The following UBE2E3 variants were observed in gnomAD, a reference collection of about 807,000 sequenced individuals.
The protein encoded by UBE2E3 is ubiquitin-conjugating enzyme E2 E3.
A neutral mutation model predicts 23.6 loss-of-function variants in UBE2E3; 5 were observed. That is an observed-to-expected ratio of 0.21 (90% CI 0.11 to 0.44). The LOEUF is 0.44. Ranked by LOEUF, UBE2E3 falls within the 20% of genes least tolerant of loss-of-function variation. The pLI is 0.99. For missense variants in UBE2E3, 81 were observed against 249.8 expected, an observed-to-expected ratio of 0.32 and a Z score of 4.55; for synonymous variants, 78 against 87.5, an observed-to-expected ratio of 0.89 and a Z score of 0.60.
rs1009179381 is a variant in UBE2E3, at chr2:181,015,082, T to C, written c.245+30989T>C. ...GAAAAACGAAGTACAGAGTTGTTTT[T>C]TTCTTAATTAATATTTTTTTCCCTT... On this transcript the variant is annotated intron_variant, in intron 3 of 5. Transcript: ENST00000410062. Among the ~76,000 whole-genome samples the C allele has an allele frequency of 2.6e-5, 4 of 152,270 alleles. No homozygotes were observed. The East Asian group carries it at 5.8e-4, about 22-fold the overall frequency.
chr2:181,041,530 C>A (rs892827191), intron 3 of UBE2E3, among the ~76,000 whole-genome samples: 4 of 151,904 alleles, frequency 2.6e-5, no homozygotes, highest in African/African-American at 9.7e-5. Context: ...CCTCTGCCTC[C>A]CAGGTCCAAG....
chr2:181,030,307 G>GTATT (rs921376009), intron 3 of UBE2E3, among the ~76,000 whole-genome samples: 28 of 151,478 alleles, frequency 1.8e-4, no homozygotes, highest in African/African-American at 3.6e-4. Context: ...TTTTTCTTTT[G>GTATT]TATTTATTTA....
chr2:181,052,276 A>C (rs1256547143), intron 3 of UBE2E3, among the ~76,000 whole-genome samples: 1 of 151,884 alleles, frequency 6.6e-6, no homozygotes, highest in Non-Finnish European at 1.5e-5. Context: ...AGGGGTGTCC[A>C]GGGGAAAGAA....
intron 3 of UBE2E3, among the ~76,000 whole-genome samples, chr2:181,023,620 T>G (rs557064347): frequency 1.3e-5 from 2 of 152,254 alleles, no homozygotes; most frequent in East Asian, 1.9e-4. Flanking sequence ...TAAGTAACTC[T>G]ACTCTGACAA....
At chr2:180,987,212 A>G in intron 3 of UBE2E3, 1 of 1,013,010 alleles carries the variant, frequency 9.9e-7, no homozygotes, top group Non-Finnish European at 1.4e-6. Flanking sequence ...TAAATAATTT[A>G]TACATCAATG....
chr2:181,045,617 T>A (rs1260905647), intron 3 of UBE2E3, among the ~76,000 whole-genome samples: 1 of 152,148 alleles, frequency 6.6e-6, no homozygotes, highest in African/African-American at 2.4e-5. Flanking sequence ...GACTAATACA[T>A]CAGAATCTCT....
chr2:181,016,279 T>G (rs1050851962), intron 3 of UBE2E3, among the ~76,000 whole-genome samples: 1 of 152,074 alleles, frequency 6.6e-6, no homozygotes, highest in Non-Finnish European at 1.5e-5. Context: ...AGGATCTCAC[T>G]GTGTAGTCCA....
chr2:181,020,195 A>G (rs1685632146), intron 3 of UBE2E3, among the ~76,000 whole-genome samples: 2 of 147,616 alleles, frequency 1.4e-5, no homozygotes, highest in South Asian at 4.3e-4. Flanking sequence ...TCTCCAGTAT[A>G]AGATGTGGAC....
intron 3 of UBE2E3, among the ~76,000 whole-genome samples, chr2:181,042,697 A>G (rs1008633635): frequency 1.3e-5 from 2 of 152,200 alleles, no homozygotes; most frequent in Non-Finnish European, 2.9e-5. Context: ...GACCCATACT[A>G]AATGATATCT....
At chr2:181,037,285 G>T (rs1686324714) in intron 3 of UBE2E3, among the ~76,000 whole-genome samples, 1 of 152,134 alleles carries the variant, frequency 6.6e-6, no homozygotes, top group Non-Finnish European at 1.5e-5. Context: ...TTATTTTAGA[G>T]TGTACTCCTT....
intron 3 of UBE2E3, among the ~76,000 whole-genome samples, chr2:181,006,987 G>C (rs1685168768): frequency 6.6e-6 from 1 of 152,156 alleles, no homozygotes; most frequent in Non-Finnish European, 1.5e-5. Flanking sequence ...CATTGGAAAT[G>C]TTAGGAAACA....
At chr2:180,994,843 A>G (rs1684777607) in intron 3 of UBE2E3, among the ~76,000 whole-genome samples, 2 of 152,224 alleles carry the variant, frequency 1.3e-5, no homozygotes, top group South Asian at 2.1e-4. Flanking sequence ...GCTATGAGAT[A>G]CACACAAACC....
At chr2:181,046,801 TA>T (rs1686685369) in intron 3 of UBE2E3, among the ~76,000 whole-genome samples, 1 of 152,154 alleles carries the variant, frequency 6.6e-6, no homozygotes, top group Non-Finnish European at 1.5e-5. Flanking sequence ...TCTGCCTACC[TA>T]AAATCCTTTA....
In UBE2E3 at chr2:181,050,323, A is replaced by G. The variant is rs77552620; in HGVS notation, c.246-7370A>G. 5.5e-3 allele frequency among the ~76,000 whole-genome samples: 840 copies of G among 151,936 alleles called. 6 individuals carry two copies. The highest frequency in any genetic ancestry group is 0.018 in the East Asian group (91 of 5,154). ...TCTTTCAAAACTTGAATTTTATATC[A>G]TTTTGTTTTTCCTCCCATCCCCACA... On this transcript the variant is annotated intron_variant, in intron 3 of 5. Transcript: ENST00000410062.
intron 3 of UBE2E3, among the ~76,000 whole-genome samples, chr2:181,021,577 TC>T (rs778724981): frequency 3.1e-3 from 324 of 103,772 alleles, no homozygotes; most frequent in South Asian, 5.0e-3. Context: ...CCTTCCTCCC[TC>T]CCTCCCTTCC....
chr2:181,025,939 G>A (rs772449348), intron 3 of UBE2E3, among the ~76,000 whole-genome samples: 16 of 152,004 alleles, frequency 1.1e-4, no homozygotes, highest in African/African-American at 3.1e-4. Flanking sequence ...GCACATAAAC[G>A]TGTAATCACA....
chr2:180,996,974 G>A (rs1365233444), intron 3 of UBE2E3, among the ~76,000 whole-genome samples: 2 of 151,952 alleles, frequency 1.3e-5, no homozygotes, highest in African/African-American at 4.8e-5. Context: ...GTGTACGTAT[G>A]CACACATGGC....
chr2:181,028,942 C>G (rs1045961450), intron 3 of UBE2E3, among the ~76,000 whole-genome samples: 1 of 151,764 alleles, frequency 6.6e-6, no homozygotes, highest in Non-Finnish European at 1.5e-5. Context: ...GTCCCAAGGT[C>G]TCGAGGATAT....
intron 3 of UBE2E3, among the ~76,000 whole-genome samples, chr2:181,049,951 A>G (rs1249706289): frequency 2.6e-5 from 4 of 151,990 alleles, no homozygotes; most frequent in African/African-American, 9.7e-5. Flanking sequence ...GAAAAAATAT[A>G]TTTATTTGCC....
Sources: allele counts gnomAD v4.1 joint callset (sites outside exome capture counted in the v4.1 genomes callset), GRCh38; gene constraint gnomAD v4.1.1; transcripts MANE v1.5; gene names NCBI Gene and HGNC (gene_info 2026-07-23, HGNC 2026-07-21).